CMC2: variants seen among roughly 807,000 people sequenced by gnomAD.
CMC2 encodes the protein C-X9-C motif containing 2.
In CMC2, 5 loss-of-function variants were observed where a neutral mutation model predicts 7.5. That is an observed-to-expected ratio of 0.66 (90% confidence interval 0.35 to 1.40). The LOEUF (loss-of-function observed/expected upper bound fraction) is 1.40. CMC2 is among the 40% of genes most tolerant of loss of function. The pLI, the probability that CMC2 is intolerant of heterozygous loss-of-function variation, is 0.04. For missense variants in CMC2, 115 were observed against 92.3 expected, an observed-to-expected ratio of 1.25 and a Z score of -1.01; for synonymous variants, 37 against 31.4, an observed-to-expected ratio of 1.18 and a Z score of -0.60.
intron 2 of CMC2, among the ~76,000 whole-genome samples, chr16:80,996,461 T>C (rs1450233388): frequency 6.6e-6 from 1 of 152,256 alleles, no homozygotes; most frequent in Non-Finnish European, 1.5e-5. Flanking sequence ...TGATGTAGTC[T>C]GGCTCATTTG....
chr16:80,998,155 G>A (rs1968576057), intron 1 of CMC2: 1 of 147,326 alleles, frequency 6.8e-6, no homozygotes. Context: ...TGCCCAGGCT[G>A]GTTTCAAACT....
chr16:80,967,913 C>T lies in CMC2; in HGVS notation c.*8180G>A, dbSNP rs1567497412. Reference sequence around the variant, plus strand: ...TGACAACATACCATATTAACGCTTCCTATTTTTTTTTCAAATCACATTCTC... The same window carrying T: ...TGACAACATACCATATTAACGCTTCTTATTTTTTTTTCAAATCACATTCTC... On this transcript the variant is annotated 3_prime_UTR_variant, in exon 4 of 4. Coordinates refer to ENST00000219400, the MANE Select transcript of CMC2 (RefSeq NM_020188.5). 6.6e-6 allele frequency: 1 copy of T among 152,086 alleles called. No homozygotes were observed. The highest frequency in any genetic ancestry group is 2.4e-5 in the African/African-American group (1 of 41,404). 9.4% of individuals were successfully genotyped at this position (152,086 alleles called of 1,614,324 possible).
chr16:81,005,034 C>A (rs1969154647), intron 1 of CMC2, among the ~76,000 whole-genome samples: 1 of 152,210 alleles, frequency 6.6e-6, no homozygotes, highest in Non-Finnish European at 1.5e-5. Context: ...TCTAATGCTA[C>A]TGCAAAATAA....
intron 2 of CMC2, among the ~76,000 whole-genome samples, chr16:80,995,440 G>A (rs930168966): frequency 6.6e-6 from 1 of 152,120 alleles, no homozygotes; most frequent in African/African-American, 2.4e-5. Flanking sequence ...AGGATCACCT[G>A]AGGTCAGGAG....
chr16:80,982,712 C>T (rs62054247), intron 2 of CMC2: 5,639 of 152,016 alleles, frequency 0.037, 125 homozygotes, highest in Non-Finnish European at 0.046. Flanking sequence ...AAATTAACTG[C>T]GGTATATACT....
At chr16:80,987,482 A>G (rs1281258859) in intron 2 of CMC2, among the ~76,000 whole-genome samples, 3 of 152,214 alleles carry the variant, frequency 2.0e-5, no homozygotes, top group Non-Finnish European at 4.4e-5. Flanking sequence ...AAAAATACAC[A>G]AGGATTTCCA....
rs1555512300 is a variant in CMC2, at chr16:80,971,564, T to TATATATATATATATATATATATATATA, written c.*4528_*4529insTATATATATATATATATATATATATAT. On this transcript the variant is annotated 3_prime_UTR_variant, in exon 4 of 4. Coordinates refer to ENST00000219400, the MANE Select transcript of CMC2 (RefSeq NM_020188.5). ...CTATGGATACTGACATACATACATT[T>TATATATATATATATATATATATATATA]TATATATATATATATATATATGTAT... The TATATATATATATATATATATATATATA allele has an allele frequency of 4.1e-5, 5 of 121,236 alleles. No homozygotes were observed. Among genetic ancestry groups the TATATATATATATATATATATATATATA allele is most frequent in the African/African-American group, 1.9e-4 (5 of 25,698 alleles). 7.5% of individuals were successfully genotyped at this position (121,236 alleles called of 1,614,324 possible). A position where few individuals can be genotyped will look rare whatever the true frequency, so the allele number is the denominator to read the frequency against.
chr16:80,990,001 T>C (rs1852601746), intron 2 of CMC2, among the ~76,000 whole-genome samples: 1 of 152,234 alleles, frequency 6.6e-6, no homozygotes, highest in African/African-American at 2.4e-5. Flanking sequence ...TTTTTTTCTT[T>C]AGTGTAATTA....
At chr16:80,990,060 T>C (rs74248230) in intron 2 of CMC2, among the ~76,000 whole-genome samples, 3,126 of 152,080 alleles carry the variant, frequency 0.021, 169 homozygotes, top group East Asian at 0.19. Flanking sequence ...TATTCCATTT[T>C]TGAGTTTTCT....
chr16:80,992,931 A>G (rs1051532663), intron 2 of CMC2, among the ~76,000 whole-genome samples: 2 of 151,828 alleles, frequency 1.3e-5, no homozygotes, highest in African/African-American at 4.8e-5. Context: ...GCCTCAAACG[A>G]TCCTTTATCA....
At chr16:80,988,599 A>G (rs905899260) in intron 2 of CMC2, 1 of 64,654 alleles carries the variant, frequency 1.5e-5, no homozygotes. Context: ...CACGTTTCCT[A>G]AAAAAAACAA....
chr16:80,977,085 A>G (rs546425524), intron 3 of CMC2, among the ~76,000 whole-genome samples: 2 of 152,352 alleles, frequency 1.3e-5, no homozygotes, highest in African/African-American at 2.4e-5. Context: ...ACTAGCTCTT[A>G]GCAACCATAT....
chr16:81,002,881 T>C (rs1050281694), intron 1 of CMC2, among the ~76,000 whole-genome samples: 9 of 152,226 alleles, frequency 5.9e-5, no homozygotes, highest in African/African-American at 1.9e-4. Context: ...AATGGTTTAA[T>C]TTCATTTCCT....
intron 1 of CMC2, among the ~76,000 whole-genome samples, chr16:81,003,063 C>A (rs910430310): frequency 6.6e-6 from 1 of 152,206 alleles, no homozygotes; most frequent in Admixed American, 6.5e-5. Flanking sequence ...GTCACCTATG[C>A]TCACTTCCAT....
intron 2 of CMC2, among the ~76,000 whole-genome samples, chr16:80,984,323 T>C (rs1204576269): frequency 1.3e-5 from 2 of 152,204 alleles, no homozygotes; most frequent in Non-Finnish European, 2.9e-5. Context: ...GTTGTAATAA[T>C]AAGCACATCT....
chr16:80,989,117 C>G (rs894253662), intron 2 of CMC2, among the ~76,000 whole-genome samples: 1 of 152,166 alleles, frequency 6.6e-6, no homozygotes, highest in African/African-American at 2.4e-5. Context: ...AGTTTCTACA[C>G]CGTATTCGTT....
intron 1 of CMC2, 41 bp downstream of exon 1, chr16:81,006,693 A>G (rs924031039): frequency 3.0e-6 from 3 of 984,916 alleles, no homozygotes; most frequent in African/African-American, 1.7e-5. Flanking sequence ...GAGGAGGAAC[A>G]ACGGAACGCG....
At chr16:80,984,337 C>G (rs946166228) in intron 2 of CMC2, among the ~76,000 whole-genome samples, 1 of 152,154 alleles carries the variant, frequency 6.6e-6, no homozygotes, top group African/African-American at 2.4e-5. Context: ...CACATCTTTT[C>G]CTTTTCGTTC....
At chr16:80,997,665 A>G (rs553873159) in intron 1 of CMC2, 1 of 273,384 alleles carries the variant, frequency 3.7e-6, no homozygotes, top group African/African-American at 2.2e-5. Context: ...GAAAAGCAGG[A>G]AGCCTCAAGA....
Sources: allele counts gnomAD v4.1 joint callset (sites outside exome capture counted in the v4.1 genomes callset), GRCh38; gene constraint gnomAD v4.1.1; transcripts MANE v1.5; gene names NCBI Gene and HGNC (gene_info 2026-07-23, HGNC 2026-07-21).